CORO2A: variants seen among roughly 807,000 people sequenced by gnomAD.
CORO2A encodes coronin 2A.
In CORO2A, 47 loss-of-function variants were observed where a neutral mutation model predicts 62.4. That is an observed-to-expected ratio of 0.75 (90% CI 0.60 to 0.96). The LOEUF (loss-of-function observed/expected upper bound fraction) is 0.96, where lower values mean the gene tolerates loss of function less well. CORO2A is among the 40% of genes least tolerant of loss of function. The probability of loss-of-function intolerance (pLI) is 0.00; values close to 1 mark genes in which losing one functional copy is unlikely to be tolerated. For synonymous variants in CORO2A, 273 were observed against 268.9 expected (o/e 1.02, Z -0.15); for missense variants, 610 against 684.1 (o/e 0.89, Z 1.21).
intron 3 of CORO2A, 131 bp from the exon 4 acceptor site, chr9:98,135,086 A>T (rs1827467705): frequency 1.7e-6 from 2 of 1,200,844 alleles, no homozygotes; most frequent in East Asian, 2.5e-5. Flanking sequence ...CCTCCCACTC[A>T]GTGGCTATGG....
At chr9:98,163,739 T>A (rs368073137) in intron 1 of CORO2A, among the ~76,000 whole-genome samples, 6 of 135,958 alleles carry the variant, frequency 4.4e-5, no homozygotes, top group Non-Finnish European at 6.4e-5. Flanking sequence ...TATGTGTGTG[T>A]GTGAGAGAGA....
At chr9:98,137,292 C>A (rs955437927) in intron 3 of CORO2A, among the ~76,000 whole-genome samples, 1 of 152,144 alleles carries the variant, frequency 6.6e-6, no homozygotes, top group African/African-American at 2.4e-5. Flanking sequence ...GTTTTCCCAT[C>A]GGAATATACA....
At chr9:98,140,710 T>G (rs2050982) in intron 2 of CORO2A, among the ~76,000 whole-genome samples, 151,500 of 152,280 alleles carry the variant, frequency 0.99, 75,364 homozygotes, top group Middle Eastern at 1. Context: ...CTCCTAAAGT[T>G]AGGGATTACA....
intron 6 of CORO2A, 96 bp downstream of exon 6, chr9:98,132,089 G>A (rs1643930591): frequency 1.1e-6 from 1 of 938,892 alleles, no homozygotes; most frequent in Non-Finnish European, 1.7e-6. Context: ...CTAAATGTGT[G>A]TGTCATAAAT....
chr9:98,147,189 C>A (rs186918999), intron 2 of CORO2A, among the ~76,000 whole-genome samples: 2 of 151,952 alleles, frequency 1.3e-5, no homozygotes, highest in African/African-American at 4.8e-5. Flanking sequence ...AAACCACAAG[C>A]AAAGTGGCAT....
chr9:98,183,339 C>G (rs1452982323), intron 1 of CORO2A, among the ~76,000 whole-genome samples: 1 of 152,182 alleles, frequency 6.6e-6, no homozygotes, highest in Non-Finnish European at 1.5e-5. Flanking sequence ...TCAGAAACCC[C>G]CACAGACATC....
intron 1 of CORO2A, among the ~76,000 whole-genome samples, chr9:98,178,042 T>C (rs934791564): frequency 1.1e-4 from 17 of 152,142 alleles, no homozygotes; most frequent in Non-Finnish European, 2.5e-4. Context: ...TTTAAATTTA[T>C]TTTTATTAAA....
chr9:98,146,417 C>T (rs1008079939), intron 2 of CORO2A, among the ~76,000 whole-genome samples: 1 of 152,230 alleles, frequency 6.6e-6, no homozygotes, highest in Non-Finnish European at 1.5e-5. Context: ...GAGGGAGGGA[C>T]CCTGCCTGCA....
At chr9:98,129,691 C>T in intron 8 of CORO2A, 103 bp downstream of exon 8, 1 of 847,052 alleles carries the variant, frequency 1.2e-6, no homozygotes, top group Non-Finnish European at 2.0e-6. Flanking sequence ...TGACTCATCC[C>T]TGTCTCCCCA....
chr9:98,170,040 G>GC (rs1241542839), intron 1 of CORO2A, among the ~76,000 whole-genome samples: 1 of 152,200 alleles, frequency 6.6e-6, no homozygotes, highest in African/African-American at 2.4e-5. Flanking sequence ...TTGTCTCTGT[G>GC]CCGTAGCATT....
intron 1 of CORO2A, among the ~76,000 whole-genome samples, chr9:98,157,923 T>C (rs1827829696): frequency 6.6e-6 from 1 of 152,038 alleles, no homozygotes; most frequent in Non-Finnish European, 1.5e-5. Context: ...TCCCTTTGAG[T>C]GTGAATATAA....
chr9:98,125,928 G>C (rs942527355), intron 11 of CORO2A, among the ~76,000 whole-genome samples: 2 of 151,448 alleles, frequency 1.3e-5, no homozygotes, highest in African/African-American at 2.4e-5. Flanking sequence ...ATGTTGGCCA[G>C]GCTGGTCTCA....
intron 1 of CORO2A, among the ~76,000 whole-genome samples, chr9:98,189,574 G>A (rs1198267325): frequency 6.6e-6 from 1 of 152,090 alleles, no homozygotes; most frequent in African/African-American, 2.4e-5. Context: ...TAAGAGGTTG[G>A]CTGTCAGAGC....
Position 98,164,584 on chromosome 9 carries a change from C to T in CORO2A, c.1-6924G>A, listed in dbSNP as rs1036162022. ...AAAAATACAAGGCTCAGCTACTTCT[C>T]CTCTGTAAGGGTTTTATCACAACTG... On this transcript the variant is annotated intron_variant, in intron 1 of 11. Transcript: ENST00000375077. Among the ~76,000 whole-genome samples, 6 of 149,394 alleles carry T rather than the reference C, an allele frequency of 4.0e-5. No individual in the cohort carries two copies. In the East Asian group the frequency reaches 1.2e-3, roughly 31 times the overall value.
intron 8 of CORO2A, among the ~76,000 whole-genome samples, chr9:98,129,494 T>C (rs1711655853): frequency 1.3e-5 from 2 of 152,234 alleles, no homozygotes; most frequent in South Asian, 4.1e-4. Flanking sequence ...TCTGCTCTTG[T>C]GGTAACTGCT....
chr9:98,160,386 A>G (rs1827867561), intron 1 of CORO2A, among the ~76,000 whole-genome samples: 1 of 152,236 alleles, frequency 6.6e-6, no homozygotes, highest in Non-Finnish European at 1.5e-5. Context: ...CACACAGAGG[A>G]GGTAGACCTC....
intron 2 of CORO2A, among the ~76,000 whole-genome samples, chr9:98,144,048 G>A (rs933038599): frequency 6.6e-6 from 1 of 152,094 alleles, no homozygotes; most frequent in Non-Finnish European, 1.5e-5. Flanking sequence ...AATTAGTCCG[G>A]TGTAGGGATG....
intron 1 of CORO2A, among the ~76,000 whole-genome samples, chr9:98,169,636 C>A (rs1828007100): frequency 6.6e-6 from 1 of 152,202 alleles, no homozygotes; most frequent in Admixed American, 6.5e-5. Flanking sequence ...TCTTTGACCT[C>A]CTTCTCATCT....
At chr9:98,145,341 T>C (rs1051543461) in intron 2 of CORO2A, among the ~76,000 whole-genome samples, 4 of 152,204 alleles carry the variant, frequency 2.6e-5, no homozygotes, top group Non-Finnish European at 5.9e-5. Context: ...CCTGGCGTTG[T>C]CCTTTGGGGA....
Sources: allele counts gnomAD v4.1 joint callset (sites outside exome capture counted in the v4.1 genomes callset), GRCh38; gene constraint gnomAD v4.1.1; transcripts MANE v1.5; gene names NCBI Gene and HGNC (gene_info 2026-07-23, HGNC 2026-07-21).